The following ESRRG variants were observed in gnomAD, a reference collection of about 807,000 sequenced individuals.
ESRRG encodes the protein estrogen-related receptor gamma.
Under a neutral mutation model 44.0 loss-of-function variants are expected in ESRRG, and 13 were observed. The observed-to-expected ratio is 0.30, with a 90% confidence interval of 0.19 to 0.47. The LOEUF is 0.47. ESRRG is among the 20% of genes least tolerant of loss of function. The pLI, the probability that ESRRG is intolerant of heterozygous loss-of-function variation, is 1.00. For synonymous variants in ESRRG, 215 were observed against 214.6 expected, an observed-to-expected ratio of 1.00 and a Z score of -0.02; for missense variants, 395 against 580.6, an observed-to-expected ratio of 0.68 and a Z score of 3.29.
At chr1:216,535,658 T>A (rs1052745936) in intron 5 of ESRRG, among the ~76,000 whole-genome samples, 10 of 152,048 alleles carry the variant, frequency 6.6e-5, no homozygotes, top group Non-Finnish European at 1.2e-4. Flanking sequence ...AAGATTTTGA[T>A]CCACCAATTT....
intron 2 of ESRRG, among the ~76,000 whole-genome samples, chr1:216,660,817 G>T (rs2072144218): frequency 6.6e-6 from 1 of 152,122 alleles, no homozygotes; most frequent in African/African-American, 2.4e-5. Context: ...ACCTCAAAAA[G>T]AAATCCCTTA....
At chr1:216,630,746 T>C (rs2064017582) in intron 3 of ESRRG, among the ~76,000 whole-genome samples, 1 of 151,996 alleles carries the variant, frequency 6.6e-6, no homozygotes, top group African/African-American at 2.4e-5. Flanking sequence ...TTGTCAGGAG[T>C]CTTCAACATG....
chr1:216,525,485 GGGGGCAT>G (rs1161996713), intron 5 of ESRRG, among the ~76,000 whole-genome samples: 1 of 149,522 alleles, frequency 6.7e-6, no homozygotes, highest in Non-Finnish European at 1.5e-5. Flanking sequence ...AAAAATGTGG[GGGGGCAT>G]GGAGGCAAGT....
chr1:217,127,516 G>A (rs1247447712), intron 1 of ESRRG, among the ~76,000 whole-genome samples: 1 of 152,158 alleles, frequency 6.6e-6, no homozygotes, highest in Non-Finnish European at 1.5e-5. Flanking sequence ...ATAGGTACTC[G>A]ATAAGTATTT....
At chr1:216,883,912 G>A (rs751970453) in intron 2 of ESRRG, among the ~76,000 whole-genome samples, 22 of 152,234 alleles carry the variant, frequency 1.4e-4, no homozygotes, top group South Asian at 4.1e-4. Context: ...TCCTGATGGC[G>A]TCCTGCTAAT....
At chr1:216,899,135 A>G (rs2058765188) in intron 2 of ESRRG, among the ~76,000 whole-genome samples, 1 of 152,210 alleles carries the variant, frequency 6.6e-6, no homozygotes, top group Non-Finnish European at 1.5e-5. Flanking sequence ...GGCTGTTCTC[A>G]GGAAATAAAT....
At chr1:216,580,668 CA>C (rs1445190442) in intron 3 of ESRRG, among the ~76,000 whole-genome samples, 7 of 152,134 alleles carry the variant, frequency 4.6e-5, no homozygotes, top group Non-Finnish European at 1.0e-4. Flanking sequence ...TGAGTTTGAT[CA>C]CATGTTAAGC....
chr1:216,932,679 T>A (rs899529906), intron 2 of ESRRG, among the ~76,000 whole-genome samples: 4 of 149,982 alleles, frequency 2.7e-5, no homozygotes, highest in Non-Finnish European at 5.9e-5. Flanking sequence ...CACTTCAGTC[T>A]CCTGAGTAGC....
intron 2 of ESRRG, among the ~76,000 whole-genome samples, chr1:216,749,519 G>A (rs941529665): frequency 1.3e-5 from 2 of 152,188 alleles, no homozygotes; most frequent in Admixed American, 6.5e-5. Context: ...TAGATTCCCT[G>A]TGCTGTGGAG....
intron 1 of ESRRG, among the ~76,000 whole-genome samples, chr1:217,080,771 G>C (rs1358544787): frequency 6.7e-6 from 1 of 149,586 alleles, no homozygotes; most frequent in South Asian, 2.1e-4. Flanking sequence ...TTCGCCTCCC[G>C]GGTTCACACC....
At chr1:216,736,176 ATTTTTTT>A (rs34469625) in intron 2 of ESRRG, among the ~76,000 whole-genome samples, 4,664 of 82,728 alleles carry the variant, frequency 0.056, 112 homozygotes, top group Middle Eastern at 0.088. Context: ...GTTAAGGACT[ATTTTTTT>A]TTTTTTTTTT....
chr1:216,509,939 A>G (rs1017272908), intron 6 of ESRRG, among the ~76,000 whole-genome samples: 1 of 152,198 alleles, frequency 6.6e-6, no homozygotes. Context: ...TTACACGTTG[A>G]CACCAGGCTC....
chr1:217,103,347 A>G (rs1269557219), intron 1 of ESRRG, among the ~76,000 whole-genome samples: 1 of 152,024 alleles, frequency 6.6e-6, no homozygotes, highest in African/African-American at 2.4e-5. Flanking sequence ...TCAATGAGCA[A>G]CAGTTAAAAG....
At chr1:216,512,079 G>A (rs182456653) in intron 6 of ESRRG, among the ~76,000 whole-genome samples, 31 of 152,230 alleles carry the variant, frequency 2.0e-4, no homozygotes, top group African/African-American at 7.5e-4. Flanking sequence ...TGAAAAAAGA[G>A]AAGAAAAACA....
At chr1:217,053,133 T>TAAAAA (rs71303007) in intron 1 of ESRRG, among the ~76,000 whole-genome samples, 20 of 119,000 alleles carry the variant, frequency 1.7e-4, no homozygotes, top group African/African-American at 4.4e-4. Flanking sequence ...AATCCCATCT[T>TAAAAA]AAAAAAAAAA....
intron 3 of ESRRG, among the ~76,000 whole-genome samples, chr1:216,619,947 G>T (rs1418446868): frequency 6.6e-6 from 1 of 152,104 alleles, no homozygotes; most frequent in Non-Finnish European, 1.5e-5. Context: ...GAGTCAAGAA[G>T]ATTGAAAGCA....
intron 1 of ESRRG, among the ~76,000 whole-genome samples, chr1:216,969,185 G>T (rs1447200904): frequency 1.3e-5 from 2 of 152,038 alleles, no homozygotes; most frequent in Non-Finnish European, 2.9e-5. Flanking sequence ...AATCTCTGAG[G>T]ATATGGCAGT....
chr1:217,137,022 A>G (rs74368712), intron 1 of ESRRG, among the ~76,000 whole-genome samples: 4,563 of 152,192 alleles, frequency 0.03, 98 homozygotes, highest in African/African-American at 0.037. Flanking sequence ...GGCCTGCGAA[A>G]TGGGAGTCAA....
rs12041281 is a variant in ESRRG at position 216,720,213 on chromosome 1, G to A, written c.56+3031C>T. Among the ~76,000 whole-genome samples, 25 of 151,986 alleles carry A rather than the reference G, an allele frequency of 1.6e-4. No individual in the cohort carries two copies. In the East Asian group the frequency reaches 3.9e-3, roughly 23 times the overall value. The stretch of plus-strand genomic sequence containing the variant: ...ATTTTTAGGAAAATAGAATTAATCC[G>A]CTCACTTTAGTAATGTAATGGGCAA... On this transcript the variant is annotated intron_variant, in intron 1 of 6. Coordinates refer to ENST00000408911, the MANE Select transcript of ESRRG (RefSeq NM_001438.4).
Sources: allele counts gnomAD v4.1 joint callset (sites outside exome capture counted in the v4.1 genomes callset), GRCh38; gene constraint gnomAD v4.1.1; transcripts MANE v1.5; gene names NCBI Gene and HGNC (gene_info 2026-07-23, HGNC 2026-07-21).